Variants in CALU observed in about 807,000 individuals in gnomAD.
The protein encoded by CALU is calumenin, also known as IEF SSP 9302.
In CALU, 13 loss-of-function variants were observed where a neutral mutation model predicts 37.5. The ratio of observed to expected loss-of-function variants is 0.35; its 90% CI spans 0.23 to 0.55. The LOEUF is 0.55. Among genes scored for constraint, CALU ranks in the 20% least tolerant of loss-of-function variants. CALU has a pLI of 0.89. For synonymous variants in CALU, 114 were observed against 133.8 expected, an observed-to-expected ratio of 0.85 and a Z score of 1.02; for missense variants, 282 against 391.7, an observed-to-expected ratio of 0.72 and a Z score of 2.36.
chr7:128,739,492 G>C (rs979961975), intron 1 of CALU, 60 bp downstream of exon 1: 1 of 152,790 alleles, frequency 6.5e-6, no homozygotes, highest in African/African-American at 2.4e-5. Context: ...CTTTCTTTCT[G>C]TCCCCGGTCT....
At chr7:128,755,940 C>G (rs1800866649) in intron 3 of CALU, among the ~76,000 whole-genome samples, 1 of 152,192 alleles carries the variant, frequency 6.6e-6, no homozygotes, top group South Asian at 2.1e-4. Context: ...AGCCAGCTGT[C>G]TGCATTAATT....
At chr7:128,739,796 G>A (rs966140185) in intron 1 of CALU, among the ~76,000 whole-genome samples, 1 of 152,036 alleles carries the variant, frequency 6.6e-6, no homozygotes, top group Non-Finnish European at 1.5e-5. Context: ...AGGTCGGAGG[G>A]CATTTGGATA....
chr7:128,752,847 G>T (rs2128879620), intron 2 of CALU, among the ~76,000 whole-genome samples: 1 of 152,250 alleles, frequency 6.6e-6, no homozygotes, highest in South Asian at 2.1e-4. Flanking sequence ...ACCATGCCCG[G>T]CTAATTTTTG....
chr7:128,746,267 C>T (rs1419021184), intron 1 of CALU, among the ~76,000 whole-genome samples: 4 of 151,954 alleles, frequency 2.6e-5, no homozygotes, highest in East Asian at 3.9e-4. Flanking sequence ...CAGTACTTCT[C>T]GTGCCTCAGC....
At chr7:128,762,633 A>G (rs1801165739) in intron 5 of CALU, among the ~76,000 whole-genome samples, 1 of 150,918 alleles carries the variant, frequency 6.6e-6, no homozygotes, top group Non-Finnish European at 1.5e-5. Context: ...AAAATTTATT[A>G]TAGAGCATTG....
intron 1 of CALU, among the ~76,000 whole-genome samples, chr7:128,746,238 G>T (rs1409275595): frequency 6.6e-6 from 1 of 151,670 alleles, no homozygotes; most frequent in African/African-American, 2.4e-5. Flanking sequence ...GCTCACTGCA[G>T]CCTCTGCCTC....
chr7:128,758,108 C>T (rs549297625), intron 3 of CALU, among the ~76,000 whole-genome samples: 1 of 152,240 alleles, frequency 6.6e-6, no homozygotes, highest in Non-Finnish European at 1.5e-5. Flanking sequence ...CGCCATTCCC[C>T]CGTCCCTAGG....
intron 1 of CALU, among the ~76,000 whole-genome samples, chr7:128,746,925 C>T (rs538922525): frequency 3.4e-4 from 51 of 152,112 alleles, no homozygotes; most frequent in Admixed American, 8.5e-4. Context: ...CCCACCACCA[C>T]GCCCGGCTAA....
At chr7:128,764,878 A>G (rs1211562546) in intron 5 of CALU, among the ~76,000 whole-genome samples, 1 of 152,110 alleles carries the variant, frequency 6.6e-6, no homozygotes, top group Non-Finnish European at 1.5e-5. Context: ...AAATGAATAA[A>G]CTGTTAACCA....
chr7:128,741,466 A>C (rs1268454451), intron 1 of CALU, among the ~76,000 whole-genome samples: 1 of 152,234 alleles, frequency 6.6e-6, no homozygotes, highest in East Asian at 1.9e-4. Flanking sequence ...TCGATTCTAA[A>C]GGGGAGCTAA....
At chr7:128,757,775 C>T (rs888949873) in intron 3 of CALU, among the ~76,000 whole-genome samples, 1 of 152,014 alleles carries the variant, frequency 6.6e-6, no homozygotes, top group Non-Finnish European at 1.5e-5. Context: ...CTGCAGTTAA[C>T]GCCACATTTT....
intron 3 of CALU, among the ~76,000 whole-genome samples, chr7:128,755,048 G>C (rs1201412013): frequency 6.6e-6 from 1 of 151,056 alleles, no homozygotes; most frequent in South Asian, 2.1e-4. Flanking sequence ...GATAGCTCAC[G>C]CCTATAAGCA....
chr7:128,755,942 G>C (rs1373231481), intron 3 of CALU, among the ~76,000 whole-genome samples: 1 of 152,212 alleles, frequency 6.6e-6, no homozygotes, highest in Non-Finnish European at 1.5e-5. Context: ...CCAGCTGTCT[G>C]CATTAATTAC....
At chr7:128,754,536 G>A (rs558268751) in intron 3 of CALU, 81 bp downstream of exon 3, 3 of 1,571,832 alleles carry the variant, frequency 1.9e-6, no homozygotes, top group Non-Finnish European at 2.6e-6. Flanking sequence ...TAGAATGATT[G>A]TAGATAAAAT....
rs544487273 is a variant in CALU at position 128,751,361 on chromosome 7, G to A, written c.221+2557G>A. 2.6e-5 allele frequency among the ~76,000 whole-genome samples: 4 copies of A among 152,066 alleles called. No individual in the cohort carries two copies. The South Asian group carries it at 8.3e-4, about 32-fold the overall frequency. ...TAGAGCAGTTCATTATCCTTTTGGG[G>A]ATCACAGGCCCAGACCCTTTGGGAG... On this transcript the variant is annotated intron_variant, in intron 2 of 6. Coordinates refer to ENST00000249364, the MANE Select transcript of CALU (RefSeq NM_001219.5).
intron 5 of CALU, among the ~76,000 whole-genome samples, chr7:128,767,074 CTT>C (rs1273843643): frequency 6.6e-6 from 1 of 152,172 alleles, no homozygotes; most frequent in Admixed American, 6.5e-5. Context: ...ATAATGGACT[CTT>C]TGTAGTAATT....
intron 1 of CALU, among the ~76,000 whole-genome samples, chr7:128,739,944 G>C (rs369316952): frequency 3.3e-5 from 5 of 152,164 alleles, no homozygotes; most frequent in Non-Finnish European, 7.4e-5. Flanking sequence ...CAGAAACAAG[G>C]GGGGAGAGAA....
intron 1 of CALU, among the ~76,000 whole-genome samples, chr7:128,742,597 T>C (rs1042790822): frequency 6.6e-6 from 1 of 152,222 alleles, no homozygotes; most frequent in Admixed American, 6.5e-5. Flanking sequence ...TTGCTCGCAA[T>C]ACTGGTCCAA....
At chr7:128,750,105 G>T (rs999694903) in intron 2 of CALU, among the ~76,000 whole-genome samples, 8 of 151,704 alleles carry the variant, frequency 5.3e-5, no homozygotes, top group African/African-American at 1.9e-4. Context: ...GCGCGTGCCT[G>T]TAGTCCCAGC....
Sources: allele counts gnomAD v4.1 joint callset (sites outside exome capture counted in the v4.1 genomes callset), GRCh38; gene constraint gnomAD v4.1.1; transcripts MANE v1.5; gene names NCBI Gene and HGNC (gene_info 2026-07-23, HGNC 2026-07-21).